The following HDGFL3 variants were observed in gnomAD, a reference collection of about 807,000 sequenced individuals.
HDGFL3 encodes HDGF like 3, also known as hepatoma-derived growth factor-related protein 3.
Under a neutral mutation model 27.6 loss-of-function variants are expected in HDGFL3, and 6 were observed. The ratio of observed to expected loss-of-function variants is 0.22; its 90% CI spans 0.12 to 0.43. The LOEUF is 0.43. Ranked by LOEUF, HDGFL3 falls within the 20% of genes least tolerant of loss-of-function variation. The pLI is 1.00. For synonymous variants in HDGFL3, 88 were observed against 88.9 expected (o/e 0.99, Z 0.05); for missense variants, 207 against 250.1 (o/e 0.83, Z 1.16).
At chr15:83,170,076 C>T (rs2037227666) in intron 1 of HDGFL3, among the ~76,000 whole-genome samples, 2 of 152,154 alleles carry the variant, frequency 1.3e-5, no homozygotes, top group African/African-American at 4.8e-5. Flanking sequence ...ACCGATGACA[C>T]AAACAAATGG....
chr15:83,116,341 T>C (rs1456497254), intron 3 of HDGFL3, among the ~76,000 whole-genome samples: 1 of 152,152 alleles, frequency 6.6e-6, no homozygotes, highest in Non-Finnish European at 1.5e-5. Context: ...ATGAAGTCAT[T>C]TGATTGTGAT....
Position 83,139,237 on chromosome 15 carries a change from G to T in HDGFL3, c.*33C>A. 1 of 1,389,410 alleles carries T rather than the reference G, an allele frequency of 7.2e-7. No homozygotes were observed. The highest frequency in any genetic ancestry group is 9.6e-7 in the Non-Finnish European group (1 of 1,041,008). 86.1% of individuals were successfully genotyped at this position (1,389,410 alleles called of 1,614,324 possible). ...CAACCAAACATATAACCTTCTTGTG[G>T]TTTCTCTTAATATGCAGCATTCATT... On this transcript the variant is annotated 3_prime_UTR_variant, in exon 6 of 6. Coordinates refer to ENST00000299633, the MANE Select transcript of HDGFL3 (RefSeq NM_016073.4).
chr15:83,181,968 A>G (rs1472915625), intron 1 of HDGFL3, among the ~76,000 whole-genome samples: 1 of 152,264 alleles, frequency 6.6e-6, no homozygotes, highest in African/African-American at 2.4e-5. Context: ...TAAATGCAGT[A>G]AAATACATTG....
chr15:83,157,296 CAGAGG>C (rs2037043061), intron 4 of HDGFL3, 114 bp downstream of exon 4: 5 of 1,007,914 alleles, frequency 5.0e-6, no homozygotes, highest in Admixed American at 2.1e-5. Context: ...TCCCTAAAGG[CAGAGG>C]CTCCATAGAA....
intron 1 of HDGFL3, among the ~76,000 whole-genome samples, chr15:83,182,497 TAAC>T (rs1430280154): frequency 6.6e-6 from 1 of 152,102 alleles, no homozygotes; most frequent in Non-Finnish European, 1.5e-5. Flanking sequence ...ATATATACAA[TAAC>T]ATGAATGAAT....
chr15:83,188,744 C>T (rs1013429030), intron 1 of HDGFL3, among the ~76,000 whole-genome samples: 72 of 152,142 alleles, frequency 4.7e-4, no homozygotes, highest in African/African-American at 1.7e-3. Flanking sequence ...CCTACACTTA[C>T]TTACTCCCTT....
chr15:83,151,412 G>A (rs929843257), intron 4 of HDGFL3, 51 bp from the exon 5 acceptor site: 4 of 1,491,682 alleles, frequency 2.7e-6, no homozygotes, highest in East Asian at 2.3e-5. Context: ...AAATCCAAAT[G>A]TACAAGTAAG....
chr15:83,118,624 A>C (rs2034920763), intron 3 of HDGFL3, among the ~76,000 whole-genome samples: 1 of 152,172 alleles, frequency 6.6e-6, no homozygotes, highest in Non-Finnish European at 1.5e-5. Context: ...GGGAGCATGA[A>C]GCTTAAGAGA....
chr15:83,191,769 G>C (rs544190880), intron 1 of HDGFL3, among the ~76,000 whole-genome samples: 6 of 151,672 alleles, frequency 4.0e-5, no homozygotes, highest in Non-Finnish European at 1.5e-5. Context: ...GTTATCTTTG[G>C]ATGTATATCC....
At chr15:83,143,016 T>C (rs1327308559) in intron 5 of HDGFL3, among the ~76,000 whole-genome samples, 1 of 152,102 alleles carries the variant, frequency 6.6e-6, no homozygotes, top group African/African-American at 2.4e-5. Flanking sequence ...TTTGGGGCCC[T>C]TAATAACTTT....
intron 3 of HDGFL3, among the ~76,000 whole-genome samples, chr15:83,116,476 A>C (rs1249826267): frequency 6.6e-6 from 1 of 152,222 alleles, no homozygotes; most frequent in Non-Finnish European, 1.5e-5. Context: ...TAAGTGACTT[A>C]TTCAAGGTGA....
chr15:83,154,980 C>T (rs984624375), intron 4 of HDGFL3, among the ~76,000 whole-genome samples: 2 of 152,078 alleles, frequency 1.3e-5, no homozygotes, highest in Non-Finnish European at 2.9e-5. Flanking sequence ...GCAATCCTTC[C>T]ACCTCAGCCT....
Position 83,128,463 on chromosome 15 carries a change from T to C in HDGFL3, c.*10807A>G, listed in dbSNP as rs193096614. 6.6e-6 allele frequency: 1 copy of C among 152,360 alleles called. No individual in the cohort carries two copies. The highest frequency in any genetic ancestry group is 1.9e-4 in the East Asian group (1 of 5,184). The allele number at this position is 152,360 out of a possible 1,614,324, so 9.4% of individuals were successfully genotyped here. A position where few individuals can be genotyped will look rare whatever the true frequency, so the allele number is the denominator to read the frequency against. On this transcript the variant is annotated 3_prime_UTR_variant, in exon 6 of 6. Coordinates refer to ENST00000299633, the MANE Select transcript of HDGFL3 (RefSeq NM_016073.4). ...AGAACTAACATTTATTGCTCTTTGC[T>C]GGTTGTTTTTCCTTTGCAGACCTCT... is the stretch of plus-strand genomic sequence containing the variant.
At chr15:83,120,374 CT>C in intron 3 of HDGFL3, among the ~76,000 whole-genome samples, 1 of 152,272 alleles carries the variant, frequency 6.6e-6, no homozygotes, top group South Asian at 2.1e-4. Flanking sequence ...ACACCCACAG[CT>C]TTTTTTCTGC....
intron 1 of HDGFL3, among the ~76,000 whole-genome samples, chr15:83,172,491 T>C (rs937250475): frequency 1.6e-4 from 24 of 152,128 alleles, no homozygotes; most frequent in Non-Finnish European, 3.4e-4. Flanking sequence ...AACAAATATT[T>C]TATATATGTA....
chr15:83,173,574 T>A (rs773100822), intron 1 of HDGFL3, among the ~76,000 whole-genome samples: 6 of 152,244 alleles, frequency 3.9e-5, no homozygotes, highest in Non-Finnish European at 7.3e-5. Flanking sequence ...TTTCTCTTTC[T>A]AATCTAGCGA....
At chr15:83,122,110 T>C (rs1407331938) in intron 3 of HDGFL3, 1 of 918,402 alleles carries the variant, frequency 1.1e-6, no homozygotes, top group Non-Finnish European at 1.7e-6. Flanking sequence ...ATTCCAAGCT[T>C]ACTAAAAACC....
chr15:83,119,753 T>G (rs1032023282), intron 3 of HDGFL3: 197 of 1,601,024 alleles, frequency 1.2e-4, no homozygotes, highest in Non-Finnish European at 1.7e-4. Context: ...GGAAACGTTA[T>G]GCATAGAGGC....
rs545230870 is a variant in HDGFL3 at position 83,139,365 on chromosome 15, T to G, written c.607-90A>C. Reference sequence around the variant, plus strand: ...CTATCCACACCTAGATAGTACATAATTGGGTTTTCTGAAATTTTAATATGC... The same window carrying G: ...CTATCCACACCTAGATAGTACATAAGTGGGTTTTCTGAAATTTTAATATGC... On this transcript the variant is annotated intron_variant, in intron 5 of 5. Transcript: ENST00000299633. 3 of 749,844 alleles carry G rather than the reference T, an allele frequency of 4.0e-6. No homozygotes were observed. The East Asian group carries it at 8.9e-5, about 22-fold the overall frequency. 46.4% of individuals were successfully genotyped at this position (749,844 alleles called of 1,614,324 possible).
Sources: gnomAD v4.1 joint callset for allele counts (sites outside exome capture counted in the v4.1 genomes callset) on GRCh38, gnomAD v4.1.1 for gene constraint, MANE v1.5 for transcripts, NCBI Gene and HGNC (gene_info 2026-07-23, HGNC 2026-07-21) for gene names.